HIP1: variants seen among roughly 807,000 people sequenced by gnomAD.
The protein encoded by HIP1 is huntingtin-interacting protein 1.
A neutral mutation model predicts 147.6 loss-of-function variants in HIP1; 65 were observed. The observed-to-expected ratio is 0.44, with a 90% CI of 0.36 to 0.54. HIP1 has a LOEUF of 0.54. HIP1 is among the 20% of genes least tolerant of loss of function. The pLI, the probability that HIP1 is intolerant of heterozygous loss-of-function variation, is 0.00. For missense variants in HIP1, 1,061 were observed against 1,299.6 expected, an observed-to-expected ratio of 0.82 and a Z score of 2.82; for synonymous variants, 479 against 504.0, an observed-to-expected ratio of 0.95 and a Z score of 0.67.
chr7:75,558,598 G>C (rs1440185133), intron 14 of HIP1, among the ~76,000 whole-genome samples: 1 of 152,210 alleles, frequency 6.6e-6, no homozygotes, highest in African/African-American at 2.4e-5. Context: ...TTATAGGCAT[G>C]AGCCACTGTG....
chr7:75,720,072 G>A (rs531583025), intron 1 of HIP1, among the ~76,000 whole-genome samples: 45 of 152,202 alleles, frequency 3.0e-4, no homozygotes, highest in Non-Finnish European at 6.6e-4. Context: ...CGATAGAGAC[G>A]ATAGAGAGTG....
chr7:75,677,618 A>T, intron 1 of HIP1, among the ~76,000 whole-genome samples: 1 of 150,986 alleles, frequency 6.6e-6, no homozygotes. Flanking sequence ...AAAAAAAAAA[A>T]AAAAAAAGAC....
chr7:75,582,193 G>T, intron 5 of HIP1, 42 bp from the exon 6 acceptor site: 1 of 1,514,148 alleles, frequency 6.6e-7, no homozygotes, highest in Non-Finnish European at 9.2e-7. Context: ...CAGAAGACAT[G>T]AAGAGCCCTC....
chr7:75,677,058 G>C (rs1799916959), intron 1 of HIP1, among the ~76,000 whole-genome samples: 1 of 151,614 alleles, frequency 6.6e-6, no homozygotes, highest in Non-Finnish European at 1.5e-5. Context: ...AGCCAGGTGT[G>C]GTGGTGCATG....
intron 1 of HIP1, among the ~76,000 whole-genome samples, chr7:75,649,503 G>A (rs1053556530): frequency 2.0e-5 from 3 of 152,036 alleles, no homozygotes; most frequent in Middle Eastern, 6.3e-3. Flanking sequence ...AAAGGAGCCA[G>A]ACAGAGGGTG....
intron 1 of HIP1, among the ~76,000 whole-genome samples, chr7:75,695,875 G>A (rs994439645): frequency 1.5e-4 from 22 of 148,132 alleles, no homozygotes; most frequent in African/African-American, 4.7e-4. Context: ...GTGCCTGGCT[G>A]GTACTGGTTC....
chr7:75,575,553 A>G (rs1795815267), intron 7 of HIP1, among the ~76,000 whole-genome samples: 1 of 152,144 alleles, frequency 6.6e-6, no homozygotes, highest in Non-Finnish European at 1.5e-5. Flanking sequence ...CAGGGCTGAA[A>G]CTTGGGGCAC....
chr7:75,623,588 T>G (rs1554507548), intron 1 of HIP1, among the ~76,000 whole-genome samples: 1 of 152,126 alleles, frequency 6.6e-6, no homozygotes. Context: ...AGGTCAGGGC[T>G]GAGAGCTCAG....
chr7:75,538,633 G>A (rs1322699258), intron 30 of HIP1, among the ~76,000 whole-genome samples: 3 of 143,468 alleles, frequency 2.1e-5, no homozygotes, highest in Admixed American at 1.4e-4. Context: ...GGAGTGCAGT[G>A]GCGCGATCTC....
At chr7:75,561,477 G>A in intron 12 of HIP1, 76 bp from the exon 13 acceptor site, 1 of 938,258 alleles carries the variant, frequency 1.1e-6, no homozygotes, top group Non-Finnish European at 1.8e-6. Flanking sequence ...CTCAGGGGAG[G>A]AAATTAAAAG....
At chr7:75,616,082 T>G (rs1554505925) in intron 1 of HIP1, among the ~76,000 whole-genome samples, 1 of 35,920 alleles carries the variant, frequency 2.8e-5, no homozygotes, top group Non-Finnish European at 4.7e-5. Context: ...TAAGACTCTG[T>G]CTCAAAAAAA....
At chr7:75,545,837 A>T (rs1276404111) in intron 25 of HIP1, among the ~76,000 whole-genome samples, 1 of 151,954 alleles carries the variant, frequency 6.6e-6, no homozygotes, top group African/African-American at 2.4e-5. Flanking sequence ...GCTACTCGGG[A>T]GGCTGAGGCA....
chr7:75,582,202 T>C, intron 5 of HIP1, 51 bp from the exon 6 acceptor site: 2 of 1,464,298 alleles, frequency 1.4e-6, no homozygotes, highest in Non-Finnish European at 1.9e-6. Context: ...TGAAGAGCCC[T>C]CTCTCAGCCG....
intron 1 of HIP1, among the ~76,000 whole-genome samples, chr7:75,663,570 A>G (rs781853721): frequency 2.0e-5 from 3 of 151,910 alleles, no homozygotes; most frequent in Non-Finnish European, 4.4e-5. Flanking sequence ...TTTTTGATGC[A>G]TCACTGACCT....
At chr7:75,618,268 T>C (rs587623715) in intron 1 of HIP1, among the ~76,000 whole-genome samples, 1 of 152,162 alleles carries the variant, frequency 6.6e-6, no homozygotes, top group East Asian at 1.9e-4. Flanking sequence ...TCTCACACCT[T>C]AGCCTCCCGA....
At chr7:75,692,233 A>G (rs1554518224) in intron 1 of HIP1, among the ~76,000 whole-genome samples, 1 of 151,802 alleles carries the variant, frequency 6.6e-6, no homozygotes, top group African/African-American at 2.4e-5. Flanking sequence ...TTCAATTAAT[A>G]TATCTGCATT....
intron 5 of HIP1, 126 bp from the exon 6 acceptor site, chr7:75,582,277 C>T: frequency 2.9e-6 from 2 of 692,200 alleles, no homozygotes; most frequent in East Asian, 2.7e-5. Context: ...ATTGCTTGAG[C>T]CCGGGAGTTC....
intron 27 of HIP1, among the ~76,000 whole-genome samples, chr7:75,543,860 C>T (rs931953763): frequency 2.6e-5 from 4 of 152,140 alleles, no homozygotes; most frequent in African/African-American, 9.7e-5. Context: ...TGGGTACAGA[C>T]GTTCCTTGCT....
intron 2 of HIP1, among the ~76,000 whole-genome samples, chr7:75,597,996 AGTCACCCAT>A (rs1796813044): frequency 1.3e-5 from 2 of 151,984 alleles, no homozygotes; most frequent in Non-Finnish European, 2.9e-5. Context: ...AGGGCTTTCA[AGTCACCCAT>A]TCCCTAATCC....
Sources: allele counts gnomAD v4.1 joint callset (sites outside exome capture counted in the v4.1 genomes callset), GRCh38; gene constraint gnomAD v4.1.1; transcripts MANE v1.5; gene names NCBI Gene and HGNC (gene_info 2026-07-23, HGNC 2026-07-21).